The following MYO9A variants were observed in gnomAD, a reference collection of about 807,000 sequenced individuals.
MYO9A encodes the protein myosin IXA.
Under a neutral mutation model 293.3 loss-of-function variants are expected in MYO9A, and 103 were observed. The ratio of observed to expected loss-of-function variants is 0.35; its 90% CI spans 0.30 to 0.41. The LOEUF (loss-of-function observed/expected upper bound fraction) is 0.41, where lower values mean the gene tolerates loss of function less well. Among genes scored for constraint, MYO9A ranks in the 10% least tolerant of loss-of-function variants. MYO9A has a pLI of 1.00. For missense variants in MYO9A, 2,685 were observed against 3,033.0 expected, an observed-to-expected ratio of 0.89 and a Z score of 2.69; for synonymous variants, 1,001 against 1,035.7, an observed-to-expected ratio of 0.97 and a Z score of 0.64.
At chr15:72,002,866 T>C (rs2076907852) in intron 8 of MYO9A, among the ~76,000 whole-genome samples, 1 of 152,196 alleles carries the variant, frequency 6.6e-6, no homozygotes, top group Admixed American at 6.5e-5. Flanking sequence ...TAATATTGTG[T>C]GCTGGCAACA....
At chr15:72,105,775 G>C (rs910190205) in intron 1 of MYO9A, among the ~76,000 whole-genome samples, 1 of 152,106 alleles carries the variant, frequency 6.6e-6, no homozygotes, top group African/African-American at 2.4e-5. Flanking sequence ...CCAAAGTGCT[G>C]GGATTACAGG....
chr15:71,885,281 A>T (rs555110578), intron 27 of MYO9A, among the ~76,000 whole-genome samples: 11 of 152,270 alleles, frequency 7.2e-5, no homozygotes, highest in African/African-American at 2.6e-4. Flanking sequence ...TTTACTTTTA[A>T]TGATATTCAG....
chr15:71,840,932 T>C (rs1426404554), intron 39 of MYO9A, among the ~76,000 whole-genome samples: 4 of 152,062 alleles, frequency 2.6e-5, no homozygotes, highest in Non-Finnish European at 4.4e-5. Flanking sequence ...TGCCCAGCCT[T>C]AAGGCTTTCT....
At chr15:72,023,695 C>CA (rs368209775) in intron 4 of MYO9A, among the ~76,000 whole-genome samples, 5,527 of 50,874 alleles carry the variant, frequency 0.11, 347 homozygotes, top group African/African-American at 0.25. Context: ...AACTCTGTCT[C>CA]AAAAAAAAAA....
At chr15:71,991,867 C>G (rs2076551412) in intron 10 of MYO9A, among the ~76,000 whole-genome samples, 1 of 152,124 alleles carries the variant, frequency 6.6e-6, no homozygotes, top group Non-Finnish European at 1.5e-5. Flanking sequence ...GATTCTCTTG[C>G]CTCAGCCTCA....
chr15:71,994,460 T>C lies in MYO9A; in HGVS notation c.1587+9A>G. 5 of 1,484,736 alleles carry C rather than the reference T, an allele frequency of 3.4e-6. No individual in the cohort carries two copies. Among genetic ancestry groups the C allele is most frequent in the Non-Finnish European group, 4.6e-6 (5 of 1,088,478 alleles). The allele number at this position is 1,484,736 out of a possible 1,614,324, so 92.0% of individuals were successfully genotyped here. ...GGGAAAAACATATTATAATCCAATA[T>C]ATCATTACCTTGGTATTATGCTCTA... On this transcript the variant is annotated intron_variant, in intron 10 of 41. Coordinates refer to ENST00000356056, the MANE Select transcript of MYO9A (RefSeq NM_006901.4).
chr15:72,020,862 C>A, intron 5 of MYO9A, 56 bp downstream of exon 5: 1 of 1,093,448 alleles, frequency 9.1e-7, no homozygotes, highest in South Asian at 2.2e-5. Flanking sequence ...AGACATTTTT[C>A]AAGCATTAAA....
rs2054361666 is a variant in MYO9A at position 71,823,816 on chromosome 15, T to G, written c.*2764A>C. 6.6e-6 allele frequency: 1 copy of G among 152,194 alleles called. No individual in the cohort carries two copies. The highest frequency in any genetic ancestry group is 1.5e-5 in the Non-Finnish European group (1 of 68,042). 9.4% of individuals were successfully genotyped at this position (152,194 alleles called of 1,614,324 possible). ...GGCTCCAAATGTGGAGCTGCCCCAC[T>G]GCTGCCATGCAGAGATCAAACAAGC... On this transcript the variant is annotated 3_prime_UTR_variant, in exon 42 of 42. Coordinates refer to ENST00000356056, the MANE Select transcript of MYO9A (RefSeq NM_006901.4).
intron 1 of MYO9A, among the ~76,000 whole-genome samples, chr15:72,098,812 A>AAAAAC (rs754861307): frequency 1.9e-4 from 29 of 152,254 alleles, no homozygotes; most frequent in African/African-American, 2.6e-4. Context: ...CCCCCATCTC[A>AAAAAC]AAAACAAAAC....
intron 1 of MYO9A, among the ~76,000 whole-genome samples, chr15:72,056,251 A>T (rs1295873584): frequency 2.6e-5 from 4 of 152,180 alleles, no homozygotes; most frequent in African/African-American, 9.7e-5. Context: ...CTACCCAGAG[A>T]AAAAGAAGTC....
intron 12 of MYO9A, among the ~76,000 whole-genome samples, chr15:71,969,028 G>A (rs910491770): frequency 6.6e-6 from 1 of 152,162 alleles, no homozygotes; most frequent in Non-Finnish European, 1.5e-5. Context: ...TTTAGCATCA[G>A]ATAATCATAG....
chr15:71,843,739 TC>T (rs2055266957), intron 39 of MYO9A, among the ~76,000 whole-genome samples: 1 of 152,210 alleles, frequency 6.6e-6, no homozygotes, highest in Non-Finnish European at 1.5e-5. Flanking sequence ...CGCCTCGGCC[TC>T]CCGAAGTTCT....
intron 4 of MYO9A, among the ~76,000 whole-genome samples, chr15:72,027,151 G>T (rs1186308135): frequency 6.6e-6 from 1 of 152,064 alleles, no homozygotes; most frequent in Non-Finnish European, 1.5e-5. Context: ...AAATGTGTTA[G>T]AAAAAGTTAC....
In MYO9A at chr15:71,834,361, G is replaced by C. The variant is rs1342581518; in HGVS notation, c.6838-4050C>G. Among the ~76,000 whole-genome samples the C allele has an allele frequency of 1.3e-5, 2 of 152,142 alleles. 1 individual carries two copies. The highest frequency in any genetic ancestry group is 2.9e-5 in the Non-Finnish European group (2 of 68,024). On this transcript the variant is annotated intron_variant, in intron 39 of 41. Transcript: ENST00000356056. The stretch of plus-strand genomic sequence containing the variant: ...AACAAAACTCTAGGCCTAGATTTCA[G>C]TGGCAAAGAAGAAGAAATAACAAAT...
At chr15:71,847,944 G>T (rs564498923) in intron 39 of MYO9A, among the ~76,000 whole-genome samples, 1 of 152,192 alleles carries the variant, frequency 6.6e-6, no homozygotes, top group East Asian at 1.9e-4. Flanking sequence ...TTATTTTAGT[G>T]CTAATTTGCA....
At chr15:71,970,276 A>G (rs1377729897) in intron 12 of MYO9A, among the ~76,000 whole-genome samples, 1 of 152,128 alleles carries the variant, frequency 6.6e-6, no homozygotes, top group Non-Finnish European at 1.5e-5. Flanking sequence ...CCTCCTTCCT[A>G]AATGCCACCC....
intron 1 of MYO9A, among the ~76,000 whole-genome samples, chr15:72,087,938 A>T (rs1422033585): frequency 6.6e-6 from 1 of 152,188 alleles, no homozygotes; most frequent in Admixed American, 6.6e-5. Flanking sequence ...CAGGACCTTT[A>T]AAGAAGTAAT....
rs2059059119 is a variant in MYO9A at position 71,951,866 on chromosome 15, A to C, written c.2213T>G (p.Leu738Trp). The change falls in exon 15 of 42, where the codon TTG becomes TGG. Residue 738 changes from leucine to tryptophan, a missense_variant. By Grantham distance (61) the Leu-to-Trp change is moderately conservative (BLOSUM62 -2). Coordinates refer to ENST00000356056, the MANE Select transcript of MYO9A (RefSeq NM_006901.4). ...AAAGCTAAAACTATCCATACTTTTC[A>C]AAATTGCACATGGCGCTGTATCATC... Reference protein sequence around the residue: ...GHDDTAPCAILKSMDSFSFLQ... With the variant: ...GHDDTAPCAIWKSMDSFSFLQ... 2.5e-6 allele frequency: 4 copies of C among 1,612,508 alleles called. No homozygotes were observed. The East Asian group carries it at 6.7e-5, about 27-fold the overall frequency.
At chr15:72,000,342 T>C (rs549867031) in intron 8 of MYO9A, among the ~76,000 whole-genome samples, 79 of 152,388 alleles carry the variant, frequency 5.2e-4, no homozygotes, top group Non-Finnish European at 1.0e-3. Flanking sequence ...ATATTTCTTC[T>C]TCATGAATCT....
Sources: gnomAD v4.1 joint callset for allele counts (sites outside exome capture counted in the v4.1 genomes callset) on GRCh38, gnomAD v4.1.1 for gene constraint, MANE v1.5 for transcripts, NCBI Gene and HGNC (gene_info 2026-07-23, HGNC 2026-07-21) for gene names.